GAN: variants seen among roughly 807,000 people sequenced by gnomAD.
GAN encodes epididymis secretory sperm binding protein.
A neutral mutation model predicts 71.3 loss-of-function variants in GAN; 48 were observed. The observed-to-expected ratio is 0.67, with a 90% confidence interval of 0.53 to 0.86. The LOEUF is 0.86. GAN is among the 40% of genes least tolerant of loss of function. GAN has a pLI of 0.00. For synonymous variants in GAN, 386 were observed against 276.8 expected (o/e 1.39, Z -3.92); for missense variants, 928 against 770.1 (o/e 1.21, Z -2.43).
In GAN at chr16:81,382,430, T is replaced by G. The variant is rs752843168; in HGVS notation, c.*4834T>G. 1.3e-5 allele frequency: 2 copies of G among 152,238 alleles called. No homozygotes were observed. Among genetic ancestry groups the G allele is most frequent in the Non-Finnish European group, 2.9e-5 (2 of 68,042 alleles). 9.4% of individuals were successfully genotyped at this position (152,238 alleles called of 1,614,324 possible). ...AGTTAGCTATAGGAAGGTTAAGAAT[T>G]TATTTACTAAGGTCGTAAGAACAGA... On this transcript the variant is annotated 3_prime_UTR_variant, in exon 11 of 11. Transcript: ENST00000648994.
intron 1 of GAN, among the ~76,000 whole-genome samples, chr16:81,326,545 ATAAT>A (rs1020919219): frequency 4.4e-4 from 67 of 152,258 alleles, no homozygotes; most frequent in Admixed American, 1.1e-3. Context: ...AAAAAAAAGG[ATAAT>A]TGAGTTGTCT....
Position 81,315,235 on chromosome 16 carries a change from T to C in GAN, c.122T>C (p.Ile41Thr). 6.4e-7 allele frequency: 1 copy of C among 1,573,584 alleles called. No homozygotes were observed. The highest frequency in any genetic ancestry group is 8.6e-7 in the Non-Finnish European group (1 of 1,161,566). ...DAHLVLDGEE[I>T]PVQKNILAAA... ...CACCTGGTCCTCGACGGGGAGGAGA[T>C]CCCGGTGCAGAAGAACATCCTGGCG... The change falls in exon 1 of 11, where the codon ATC (isoleucine) becomes ACC (threonine). Residue 41 changes from isoleucine to threonine, a missense_variant. Transcript: ENST00000648994.
rs1179950778 is a variant in GAN at position 81,388,759 on chromosome 16, C to G, written c.*11163C>G. ...GCAGCTCGCATTCGCCAGAGCGGAG[C>G]GCAGCCCTTGTTTCCTTCTTTCCTC... On this transcript the variant is annotated 3_prime_UTR_variant, in exon 11 of 11. Transcript: ENST00000648994. 1 of 152,300 alleles carries G rather than the reference C, an allele frequency of 6.6e-6. No individual in the cohort carries two copies. The highest frequency in any genetic ancestry group is 1.5e-5 in the Non-Finnish European group (1 of 68,072). The allele number at this position is 152,300 out of a possible 1,614,324, so 9.4% of individuals were successfully genotyped here. A position where few individuals can be genotyped will look rare whatever the true frequency, so the allele number is the denominator to read the frequency against.
intron 5 of GAN, among the ~76,000 whole-genome samples, chr16:81,359,715 T>A (rs1211541711): frequency 6.6e-6 from 1 of 152,174 alleles, no homozygotes; most frequent in Non-Finnish European, 1.5e-5. Context: ...CCCGAGTGGT[T>A]GTCTGAGACC....
chr16:81,346,734 A>C (rs1172949247), intron 1 of GAN, among the ~76,000 whole-genome samples: 3 of 152,260 alleles, frequency 2.0e-5, no homozygotes, highest in East Asian at 3.9e-4. Flanking sequence ...AGGTACTTGA[A>C]GGAGGCTCTG....
At chr16:81,336,197 A>C (rs895841195) in intron 1 of GAN, among the ~76,000 whole-genome samples, 1 of 152,270 alleles carries the variant, frequency 6.6e-6, no homozygotes, top group East Asian at 1.9e-4. Context: ...TCCACACCCC[A>C]CTACCTGCTG....
At chr16:81,327,698 G>C (rs1909435322) in intron 1 of GAN, among the ~76,000 whole-genome samples, 1 of 152,174 alleles carries the variant, frequency 6.6e-6, no homozygotes, top group African/African-American at 2.4e-5. Context: ...GAAGTATGGA[G>C]CTCCTATAGT....
At chr16:81,353,783 C>G (rs1269741476) in intron 2 of GAN, among the ~76,000 whole-genome samples, 1 of 151,168 alleles carries the variant, frequency 6.6e-6, no homozygotes, top group East Asian at 1.9e-4. Flanking sequence ...AGTAGATGTT[C>G]ATAATGAGAA....
chr16:81,321,855 C>T (rs1185085927), intron 1 of GAN, among the ~76,000 whole-genome samples: 5 of 152,176 alleles, frequency 3.3e-5, no homozygotes, highest in African/African-American at 9.6e-5. Context: ...TGGTTGCGAC[C>T]TTGCATTTGA....
At chr16:81,352,478 C>A (rs1357837743) in intron 2 of GAN, among the ~76,000 whole-genome samples, 1 of 152,182 alleles carries the variant, frequency 6.6e-6, no homozygotes, top group African/African-American at 2.4e-5. Context: ...GTCAGTGCAT[C>A]TTACCTTTGG....
rs138014404 is a variant in GAN, at chr16:81,356,730, A to G, written c.634-55A>G. 920 of 1,181,200 alleles carry G rather than the reference A, an allele frequency of 7.8e-4. 6 individuals are homozygous for G. The African/African-American group carries it at 0.012, about 16-fold the overall frequency. The allele number at this position is 1,181,200 out of a possible 1,614,324, so 73.2% of individuals were successfully genotyped here. Reference sequence around the variant, plus strand: ...GAGGTGGAAAATGTAGATTCTAAAAATGATGTGTTGCATTTTCCATTGTTT... The same window carrying G: ...GAGGTGGAAAATGTAGATTCTAAAAGTGATGTGTTGCATTTTCCATTGTTT... On this transcript the variant is annotated intron_variant, in intron 3 of 10. Coordinates refer to ENST00000648994, the MANE Select transcript of GAN (RefSeq NM_022041.4).
In GAN at chr16:81,388,136, G is replaced by A. The variant is rs934755369; in HGVS notation, c.*10540G>A. 1.3e-5 allele frequency: 2 copies of A among 152,198 alleles called. No individual in the cohort carries two copies. The highest frequency in any genetic ancestry group is 4.8e-5 in the African/African-American group (2 of 41,426). The allele number at this position is 152,198 out of a possible 1,614,324, so 9.4% of individuals were successfully genotyped here. A position where few individuals can be genotyped will look rare whatever the true frequency, so the allele number is the denominator to read the frequency against. On this transcript the variant is annotated 3_prime_UTR_variant, in exon 11 of 11. Coordinates refer to ENST00000648994, the MANE Select transcript of GAN (RefSeq NM_022041.4). ...GAGGAAGGGTATTTTGGCCATGTTCGGAGTCGTTGTTTTTACTCACTCTTC... is the reference window on the plus strand; with the variant it reads ...GAGGAAGGGTATTTTGGCCATGTTCAGAGTCGTTGTTTTTACTCACTCTTC...
At chr16:81,373,496 G>A (rs929692411) in intron 9 of GAN, among the ~76,000 whole-genome samples, 3 of 152,198 alleles carry the variant, frequency 2.0e-5, no homozygotes, top group Non-Finnish European at 2.9e-5. Flanking sequence ...TGCAGAAATA[G>A]TTAAAGAGTT....
Position 81,315,271 on chromosome 16 carries a change from C to G in GAN, c.158C>G (p.Pro53Arg). ...VQKNILAAAS[P>R]YIRTKLNYNP... is the part of the protein sequence containing the mutation. ...AAGAACATCCTGGCGGCGGCCAGCCCGTACATCAGGTGGGGAGGGGGCTAC... is the reference window on the plus strand; with the variant it reads ...AAGAACATCCTGGCGGCGGCCAGCCGGTACATCAGGTGGGGAGGGGGCTAC... Residue 53 changes from proline (P) to arginine (R), a missense_variant, in exon 1 of 11, where the codon CCG becomes CGG. Pro to Arg is a moderately radical substitution (Grantham distance 103). Coordinates refer to ENST00000648994, the MANE Select transcript of GAN (RefSeq NM_022041.4). 6.4e-7 allele frequency: 1 copy of G among 1,561,642 alleles called. No individual in the cohort carries two copies. Among genetic ancestry groups the G allele is most frequent in the Non-Finnish European group, 8.7e-7 (1 of 1,155,068 alleles).
chr16:81,365,143 C>T, intron 8 of GAN, 33 bp downstream of exon 8: 2 of 1,609,102 alleles, frequency 1.2e-6, no homozygotes, highest in South Asian at 1.1e-5. Flanking sequence ...TTGTAGATTC[C>T]CTTGCTGTTC....
intron 1 of GAN, among the ~76,000 whole-genome samples, chr16:81,346,858 ACCT>A (rs909897583): frequency 6.6e-6 from 1 of 151,932 alleles, no homozygotes; most frequent in Non-Finnish European, 1.5e-5. Flanking sequence ...CAAAACTCTC[ACCT>A]CCTCCAGTGT....
chr16:81,353,388 G>A (rs762518240), intron 2 of GAN, among the ~76,000 whole-genome samples: 12 of 151,236 alleles, frequency 7.9e-5, no homozygotes, highest in African/African-American at 2.4e-4. Context: ...TTTTTTTCAC[G>A]TGCCTATATT....
chr16:81,362,723 C>T (rs1910718194), intron 6 of GAN, 112 bp downstream of exon 6: 1 of 730,742 alleles, frequency 1.4e-6, no homozygotes, highest in Non-Finnish European at 2.5e-6. Flanking sequence ...AAGCCACCTG[C>T]CTCATTCGCT....
rs1316755061 is a variant in GAN, at chr16:81,384,402, A to G, written c.*6806A>G. ...ACTGATTACTTGAAACTCAACTTGAACTTTAAAGAGTCTTTAAAAGGCTGT... is the reference window on the plus strand; with the variant it reads ...ACTGATTACTTGAAACTCAACTTGAGCTTTAAAGAGTCTTTAAAAGGCTGT... On this transcript the variant is annotated 3_prime_UTR_variant, in exon 11 of 11. Transcript: ENST00000648994. 2 of 152,086 alleles carry G rather than the reference A, an allele frequency of 1.3e-5. No individual in the cohort carries two copies. The highest frequency in any genetic ancestry group is 2.9e-5 in the Non-Finnish European group (2 of 68,024). The allele number at this position is 152,086 out of a possible 1,614,324, so 9.4% of individuals were successfully genotyped here. A position where few individuals can be genotyped will look rare whatever the true frequency, so the allele number is the denominator to read the frequency against.
Sources: allele counts gnomAD v4.1 joint callset (sites outside exome capture counted in the v4.1 genomes callset), GRCh38; gene constraint gnomAD v4.1.1; transcripts MANE v1.5; gene names NCBI Gene and HGNC (gene_info 2026-07-23, HGNC 2026-07-21).